The following GFRA2 variants were observed in gnomAD, a reference collection of about 807,000 sequenced individuals.
The protein encoded by GFRA2 is GDNF family receptor alpha-2.
In GFRA2, 17 loss-of-function variants were observed where a neutral mutation model predicts 48.3. The ratio of observed to expected loss-of-function variants is 0.35; its 90% CI spans 0.24 to 0.53. The LOEUF (loss-of-function observed/expected upper bound fraction) is 0.53, where lower values mean the gene tolerates loss of function less well. Among genes scored for constraint, GFRA2 ranks in the 20% least tolerant of loss-of-function variants. GFRA2 has a pLI of 0.93. For synonymous variants in GFRA2, 305 were observed against 257.2 expected, an observed-to-expected ratio of 1.19 and a Z score of -1.78; for missense variants, 660 against 637.3, an observed-to-expected ratio of 1.04 and a Z score of -0.38.
At chr8:21,790,065 C>A (rs1422497468), upstream of GFRA2, 28 of 985,064 alleles carry the variant, frequency 2.8e-5, no homozygotes, top group Non-Finnish European at 3.4e-5. Context: ...GTGGGCCGGG[C>A]TCACCGGCGT....
intron 2 of GFRA2, among the ~76,000 whole-genome samples, chr8:21,776,147 T>C (rs1806695994): frequency 6.6e-6 from 1 of 151,966 alleles, no homozygotes; most frequent in South Asian, 2.1e-4. Flanking sequence ...GGGCAGCCTC[T>C]TCAGGGTTAC....
At position 21,774,467 on chromosome 8, in the gene GFRA2, T is replaced by C. The variant is rs890386019; in HGVS notation, c.439+505A>G. ...AAAACCCAGGGCAGAACAGATCTTA[T>C]AGGACCAGTAATAACAAGCCACAGC... On this transcript the variant is annotated intron_variant, in intron 3 of 8. Coordinates refer to ENST00000524240, the MANE Select transcript of GFRA2 (RefSeq NM_001495.5). Among the ~76,000 whole-genome samples the C allele has an allele frequency of 2.6e-5, 4 of 152,246 alleles. No individual in the cohort carries two copies. The East Asian group carries it at 7.8e-4, about 30-fold the overall frequency.
intron 8 of GFRA2, among the ~76,000 whole-genome samples, chr8:21,693,643 G>C (rs1485356428): frequency 6.6e-6 from 1 of 151,998 alleles, no homozygotes; most frequent in Non-Finnish European, 1.5e-5. Context: ...CTGGGGTTTG[G>C]AGAGGAGGGC....
chr8:21,747,292 C>G (rs564245088), intron 4 of GFRA2, among the ~76,000 whole-genome samples: 39 of 152,270 alleles, frequency 2.6e-4, no homozygotes. Flanking sequence ...CATCAAGCCT[C>G]CCCTTTATCC....
intron 3 of GFRA2, among the ~76,000 whole-genome samples, chr8:21,764,685 A>T (rs1806072537): frequency 6.6e-6 from 1 of 152,168 alleles, no homozygotes; most frequent in Admixed American, 6.5e-5. Context: ...CTTATTGAAG[A>T]CATCACTCCT....
intron 1 of GFRA2, among the ~76,000 whole-genome samples, chr8:21,783,497 A>G (rs1241073692): frequency 6.6e-6 from 1 of 152,164 alleles, no homozygotes; most frequent in African/African-American, 2.4e-5. Context: ...GGTCACACAT[A>G]GCGGTGGAAA....
chr8:21,695,030 T>A (rs1463357863), intron 7 of GFRA2, among the ~76,000 whole-genome samples: 1 of 152,190 alleles, frequency 6.6e-6, no homozygotes, highest in Non-Finnish European at 1.5e-5. Flanking sequence ...TCATCTGGGC[T>A]TGAGGGGAAG....
chr8:21,712,734 C>T (rs1223174636), intron 4 of GFRA2, among the ~76,000 whole-genome samples: 48 of 152,200 alleles, frequency 3.2e-4, no homozygotes, highest in Admixed American at 3.1e-3. Flanking sequence ...ACTGAGTGAA[C>T]GAGACTCCGT....
At position 21,767,255 on chromosome 8, in the gene GFRA2, ACAC is replaced by A. The variant is rs376072054; in HGVS notation, c.439+7714_439+7716del. 9.5e-3 allele frequency among the ~76,000 whole-genome samples: 1,420 copies of A among 149,700 alleles called. 14 individuals are homozygous for A. The highest frequency in any genetic ancestry group is 0.033 in the African/African-American group (1,353 of 40,594). ...ACCACCTCACACACATCACATACAC[ACAC>A]CACCACCACATACACACACACCACT... On this transcript the variant is annotated intron_variant, in intron 3 of 8. Transcript: ENST00000524240.
chr8:21,718,436 C>A (rs1393594832), intron 4 of GFRA2, among the ~76,000 whole-genome samples: 1 of 152,184 alleles, frequency 6.6e-6, no homozygotes, highest in East Asian at 1.9e-4. Flanking sequence ...TGAAAACAGA[C>A]TAATAGACAG....
intron 4 of GFRA2, among the ~76,000 whole-genome samples, chr8:21,739,746 T>TC (rs140784610): frequency 0.099 from 15,071 of 152,142 alleles, 2,255 homozygotes; most frequent in African/African-American, 0.33. Context: ...GGGCAGGACT[T>TC]CCACTGCAGG....
At chr8:21,774,491 G>A (rs1806594333) in intron 3 of GFRA2, among the ~76,000 whole-genome samples, 1 of 152,190 alleles carries the variant, frequency 6.6e-6, no homozygotes, top group Admixed American at 6.5e-5. Flanking sequence ...ACAAGCCACA[G>A]CTGATGCTGA....
In GFRA2 at chr8:21,764,479, C is replaced by T. The variant is rs138185984; in HGVS notation, c.439+10493G>A. ...GCAGGACCAAATATTGAGACCATAG[C>T]ACCTTAACTCATTATTTGATAAGAA... On this transcript the variant is annotated intron_variant, in intron 3 of 8. Coordinates refer to ENST00000524240, the MANE Select transcript of GFRA2 (RefSeq NM_001495.5). Among the ~76,000 whole-genome samples the T allele has an allele frequency of 1.6e-4, 24 of 152,356 alleles. No homozygotes were observed. The East Asian group carries it at 4.6e-3, about 29-fold the overall frequency.
chr8:21,696,442 A>G (rs1021159331), intron 7 of GFRA2, among the ~76,000 whole-genome samples: 7 of 152,194 alleles, frequency 4.6e-5, no homozygotes, highest in African/African-American at 1.7e-4. Context: ...TTAACAAAAT[A>G]AGGCTTGAGA....
chr8:21,712,323 C>T (rs1205054696), intron 4 of GFRA2, among the ~76,000 whole-genome samples: 5 of 151,410 alleles, frequency 3.3e-5, no homozygotes, highest in Admixed American at 3.3e-4. Context: ...CCTCACCTCC[C>T]AGACGGGGTC....
rs368817235 is a variant in GFRA2 at position 21,806,742 on chromosome 8, C to T, written c.-147-1614G>A. 2.6e-5 allele frequency among the ~76,000 whole-genome samples: 4 copies of T among 152,344 alleles called. No individual in the cohort carries two copies. The East Asian group carries it at 5.8e-4, about 22-fold the overall frequency. On this transcript the variant is annotated intron_variant, in intron 1 of 10. Coordinates refer to the GFRA2 transcript ENST00000517328. ...TCTGCCTCCCAAAGCACTGGGATTA[C>T]AGGTACAAGCCACCATTCCTGGCCT...
At chr8:21,741,780 G>A (rs1231565912) in intron 4 of GFRA2, among the ~76,000 whole-genome samples, 2 of 152,056 alleles carry the variant, frequency 1.3e-5, no homozygotes, top group Non-Finnish European at 2.9e-5. Context: ...AAATTAGCCA[G>A]GTGTGGTGGT....
chr8:21,750,889 C>A lies in GFRA2; in HGVS notation c.493G>T (p.Ala165Ser), dbSNP rs1299050103. Reference protein sequence around the residue: ...SAKSNHCLDAAKACNLNDNCK... With the variant: ...SAKSNHCLDASKACNLNDNCK... The stretch of plus-strand genomic sequence containing the variant: ...TTGTCATTCAGGTTGCAGGCCTTGG[C>A]AGCATCCAGGCAATGGTTGCTCTTG... Residue 165 changes from alanine to serine, a missense_variant, in exon 4 of 9, where the codon GCC becomes TCC. Physicochemically the swap from Ala to Ser is moderately conservative, Grantham distance 99. Coordinates refer to ENST00000524240, the MANE Select transcript of GFRA2 (RefSeq NM_001495.5). This position sits in a 1 kb window ranked among gnomAD's most constrained non-coding sequence, Gnocchi z 5.7. The A allele has an allele frequency of 6.2e-7, 1 of 1,613,816 alleles. No individual in the cohort carries two copies. The highest frequency in any genetic ancestry group is 1.1e-5 in the South Asian group (1 of 91,074).
intron 4 of GFRA2, among the ~76,000 whole-genome samples, chr8:21,721,865 T>C (rs1015006230): frequency 6.6e-6 from 1 of 152,080 alleles, no homozygotes; most frequent in Non-Finnish European, 1.5e-5. Flanking sequence ...ACAGGGCAAA[T>C]ATATTCTCGG....
Sources: allele counts gnomAD v4.1 joint callset (sites outside exome capture counted in the v4.1 genomes callset), GRCh38; gene constraint gnomAD v4.1.1; non-coding constraint Gnocchi (gnomAD v3.1); transcripts MANE v1.5; gene names NCBI Gene and HGNC (gene_info 2026-07-23, HGNC 2026-07-21).